The following KCNH1 variants were observed in gnomAD, a reference collection of about 807,000 sequenced individuals.
KCNH1 encodes the protein potassium voltage-gated channel subfamily H member 1, also known as voltage-gated delayed rectifier potassium channel KCNH1.
A neutral mutation model predicts 69.2 loss-of-function variants in KCNH1; 27 were observed. That is an observed-to-expected ratio of 0.39 (90% CI 0.29 to 0.54). KCNH1 has a LOEUF of 0.54. Ranked by LOEUF, KCNH1 falls within the 20% of genes least tolerant of loss-of-function variation. KCNH1 has a pLI of 0.68. For missense variants in KCNH1, 798 were observed against 1,261.6 expected (o/e 0.63, Z 5.57); for synonymous variants, 456 against 487.7 (o/e 0.93, Z 0.86).
chr1:210,836,968 A>G (rs1236191711), intron 7 of KCNH1, among the ~76,000 whole-genome samples: 1 of 152,186 alleles, frequency 6.6e-6, no homozygotes. Context: ...CATTCTGTAC[A>G]ACATCTGCTT....
chr1:211,070,403 G>A (rs1399354832), intron 5 of KCNH1, among the ~76,000 whole-genome samples: 3 of 144,660 alleles, frequency 2.1e-5, no homozygotes, highest in Admixed American at 1.4e-4. Context: ...GGGCGACAGA[G>A]CGAGACTCCA....
At chr1:210,695,103 T>C (rs1681610283) in intron 10 of KCNH1, among the ~76,000 whole-genome samples, 1 of 152,234 alleles carries the variant, frequency 6.6e-6, no homozygotes, top group South Asian at 2.1e-4. Flanking sequence ...ATGCTGACAC[T>C]GATTTATGGA....
At chr1:210,908,724 T>G (rs568642530) in intron 7 of KCNH1, among the ~76,000 whole-genome samples, 1 of 152,180 alleles carries the variant, frequency 6.6e-6, no homozygotes, top group African/African-American at 2.4e-5. Context: ...CAGCCCTCAT[T>G]TATGTGATCA....
At chr1:210,790,850 A>T (rs1370118252) in intron 9 of KCNH1, among the ~76,000 whole-genome samples, 4 of 152,116 alleles carry the variant, frequency 2.6e-5, no homozygotes, top group Non-Finnish European at 2.9e-5. Context: ...AGTGGTTTCC[A>T]CTGCTGAGTT....
intron 3 of KCNH1, among the ~76,000 whole-genome samples, chr1:211,101,572 A>G (rs574375473): frequency 1.4e-4 from 21 of 152,340 alleles, no homozygotes; most frequent in Admixed American, 1.4e-3. Flanking sequence ...TCCTCAGCAC[A>G]GATGCAATTC....
chr1:210,900,511 A>G (rs1025139272), intron 7 of KCNH1, among the ~76,000 whole-genome samples: 1 of 152,218 alleles, frequency 6.6e-6, no homozygotes, highest in Non-Finnish European at 1.5e-5. Flanking sequence ...GGGAGGTGTG[A>G]AGCACTTGGG....
At position 210,919,123 on chromosome 1, in the gene KCNH1, A is replaced by G. The variant is rs1463357137; in HGVS notation, c.1462+517T>C. The G allele has an allele frequency of 6.5e-6, 1 of 153,578 alleles. No homozygotes were observed. The highest frequency in any genetic ancestry group is 6.4e-5 in the Admixed American group (1 of 15,588). 9.5% of individuals were successfully genotyped at this position (153,578 alleles called of 1,614,324 possible). On this transcript the variant is annotated intron_variant, in intron 7 of 10. Coordinates refer to ENST00000271751, the MANE Select transcript of KCNH1 (RefSeq NM_172362.3). This position sits in a 1 kb window ranked among gnomAD's most constrained non-coding sequence, Gnocchi z 4.2. ...ATTTCAAGTGCTTTCACCAAAAAAA[A>G]GGTAATGATGTAAAGGAATGGATAT...
intron 6 of KCNH1, among the ~76,000 whole-genome samples, chr1:210,997,095 AG>A (rs575535110): frequency 3.9e-5 from 6 of 152,372 alleles, no homozygotes; most frequent in Non-Finnish European, 7.3e-5. Context: ...AACTCTAAAA[AG>A]CAGAGTGCCT....
intron 6 of KCNH1, among the ~76,000 whole-genome samples, chr1:211,013,019 T>C (rs542232344): frequency 7.2e-5 from 11 of 152,272 alleles, no homozygotes; most frequent in Non-Finnish European, 1.3e-4. Flanking sequence ...TACAGTATTG[T>C]TAGAACTCAA....
chr1:210,804,426 C>A (rs1226370862), intron 7 of KCNH1, among the ~76,000 whole-genome samples: 1 of 152,176 alleles, frequency 6.6e-6, no homozygotes, highest in Non-Finnish European at 1.5e-5. Flanking sequence ...GCTGGCATGG[C>A]CGGGGCCAGA....
chr1:210,743,010 A>G (rs954745279), intron 10 of KCNH1, among the ~76,000 whole-genome samples: 3 of 152,240 alleles, frequency 2.0e-5, no homozygotes, highest in Non-Finnish European at 4.4e-5. Flanking sequence ...TTAAAGCACC[A>G]GGAATAAATT....
At chr1:210,866,422 G>A (rs1686111122) in intron 7 of KCNH1, among the ~76,000 whole-genome samples, 1 of 151,980 alleles carries the variant, frequency 6.6e-6, no homozygotes, top group Non-Finnish European at 1.5e-5. Context: ...ACTCAATAGT[G>A]AAAAAATAAC....
chr1:210,888,299 T>C lies in KCNH1; in HGVS notation c.1462+31341A>G, dbSNP rs1161529530. Reference sequence around the variant, plus strand: ...ATATGGAAACTGAACAACCTGCTCCTGAATGACTACCGGGTAAACAACAAA... The same window carrying C: ...ATATGGAAACTGAACAACCTGCTCCCGAATGACTACCGGGTAAACAACAAA... On this transcript the variant is annotated intron_variant, in intron 7 of 10. Transcript: ENST00000271751. Among the ~76,000 whole-genome samples, 4 of 152,158 alleles carry C rather than the reference T, an allele frequency of 2.6e-5. No homozygotes were observed. In the East Asian group the frequency reaches 7.7e-4, roughly 29 times the overall value.
At chr1:210,983,136 ATTTG>A (rs1437063655) in intron 6 of KCNH1, among the ~76,000 whole-genome samples, 2 of 151,712 alleles carry the variant, frequency 1.3e-5, no homozygotes, top group Non-Finnish European at 2.9e-5. Flanking sequence ...TTTCTTGTAA[ATTTG>A]TTTGAGTTCA....
chr1:210,935,404 A>C (rs902607089), intron 6 of KCNH1, among the ~76,000 whole-genome samples: 1 of 152,192 alleles, frequency 6.6e-6, no homozygotes, highest in Admixed American at 6.5e-5. Flanking sequence ...TATTGGATAC[A>C]AAATTACAAC....
At chr1:210,979,291 A>G (rs1280793284) in intron 6 of KCNH1, among the ~76,000 whole-genome samples, 1 of 152,212 alleles carries the variant, frequency 6.6e-6, no homozygotes, top group Non-Finnish European at 1.5e-5. Flanking sequence ...CAAGTCATAC[A>G]GTTATTTAAG....
intron 10 of KCNH1, among the ~76,000 whole-genome samples, chr1:210,757,265 G>T (rs1262195246): frequency 6.6e-6 from 1 of 152,246 alleles, no homozygotes; most frequent in African/African-American, 2.4e-5. Context: ...AGCCACCATA[G>T]GACTTGACGA....
At chr1:210,927,925 A>G (rs992916728) in intron 6 of KCNH1, among the ~76,000 whole-genome samples, 2 of 152,194 alleles carry the variant, frequency 1.3e-5, no homozygotes, top group African/African-American at 4.8e-5. Context: ...TATATCAGAC[A>G]AAACAAACTT....
intron 6 of KCNH1, among the ~76,000 whole-genome samples, chr1:210,941,210 A>G (rs1208340727): frequency 2.0e-5 from 3 of 152,212 alleles, no homozygotes; most frequent in Non-Finnish European, 4.4e-5. Context: ...GCAAAGGGAA[A>G]ACACAGGTAA....
Sources: gnomAD v4.1 joint callset for allele counts (sites outside exome capture counted in the v4.1 genomes callset) on GRCh38, gnomAD v4.1.1 for gene constraint, Gnocchi (gnomAD v3.1) non-coding constraint, MANE v1.5 for transcripts, NCBI Gene and HGNC (gene_info 2026-07-23, HGNC 2026-07-21) for gene names.